Variants in DUSP10 observed in about 807,000 individuals in gnomAD.
DUSP10 encodes the protein dual specificity protein phosphatase 10.
DUSP10 carries 14 observed loss-of-function variants against 30.8 expected under a neutral mutation model. That is an observed-to-expected ratio of 0.46 (90% CI 0.30 to 0.71). DUSP10 has a LOEUF of 0.71. Ranked by LOEUF, DUSP10 falls within the 30% of genes least tolerant of loss-of-function variation. The probability of loss-of-function intolerance (pLI) is 0.08; values close to 1 mark genes in which losing one functional copy is unlikely to be tolerated. For synonymous variants in DUSP10, 254 were observed against 250.4 expected (o/e 1.01, Z -0.14); for missense variants, 550 against 619.4 (o/e 0.89, Z 1.19).
At chr1:221,727,800 C>T (rs547867873) in intron 2 of DUSP10, among the ~76,000 whole-genome samples, 220 of 152,320 alleles carry the variant, frequency 1.4e-3, no homozygotes, top group Admixed American at 3.7e-3. Context: ...TCTCCATTCA[C>T]TAATTCTACT....
intron 2 of DUSP10, among the ~76,000 whole-genome samples, chr1:221,736,491 G>A (rs1043163302): frequency 3.9e-5 from 6 of 151,934 alleles, no homozygotes; most frequent in African/African-American, 1.4e-4. Flanking sequence ...AAATAAATCT[G>A]AGAGGAGAAG....
In DUSP10 at chr1:221,706,055, G is replaced by A. The variant is rs982351126; in HGVS notation, c.1183+40C>T. ...ATCAAAGCAAGAGCTGGAGGGAAAA[G>A]GAAGGCAGCGGATGAAAATTCCCTA... On this transcript the variant is annotated intron_variant, in intron 3 of 3. Transcript: ENST00000366899. The surrounding 1 kb of genome is among the most constrained non-coding windows in gnomAD (Gnocchi z 4.6). 11 of 1,584,622 alleles carry A rather than the reference G, an allele frequency of 6.9e-6. No individual in the cohort carries two copies. The highest frequency in any genetic ancestry group is 9.5e-6 in the Non-Finnish European group (11 of 1,163,336).
intron 3 of DUSP10, among the ~76,000 whole-genome samples, chr1:221,704,025 G>C (rs1293083199): frequency 1.3e-5 from 2 of 152,190 alleles, no homozygotes; most frequent in African/African-American, 4.8e-5. Flanking sequence ...GCATGGTGGT[G>C]AGAGAATGAG....
chr1:221,707,527 C>T (rs72736539), intron 2 of DUSP10, among the ~76,000 whole-genome samples: 8,263 of 152,236 alleles, frequency 0.054, 283 homozygotes, highest in African/African-American at 0.092. Flanking sequence ...ATAAACTGTG[C>T]TTATTTCTCC....
In DUSP10 at chr1:221,702,754, C is replaced by A. The variant is rs1660644680; in HGVS notation, c.1184-77G>T. The A allele has an allele frequency of 3.5e-6, 5 of 1,436,958 alleles. 1 individual carries two copies. Among genetic ancestry groups the A allele is most frequent in the Middle Eastern group, 1.8e-4 (1 of 5,544 alleles). The allele number at this position is 1,436,958 out of a possible 1,614,324, so 89.0% of individuals were successfully genotyped here. A position where few individuals can be genotyped will look rare whatever the true frequency, so the allele number is the denominator to read the frequency against. The stretch of plus-strand genomic sequence containing the variant: ...ACGGAGAGAGAAACTTTCATCTCAA[C>A]TTTGCAATGCCTTATTTTGTATAGA... On this transcript the variant is annotated intron_variant, in intron 3 of 3. Transcript: ENST00000366899. The surrounding 1 kb of genome is among the most constrained non-coding windows in gnomAD (Gnocchi z 4.5).
Position 221,706,398 on chromosome 1 carries a change from G to A in DUSP10, c.880C>T (p.Arg294Trp), listed in dbSNP as rs776580484. The A allele has an allele frequency of 8.1e-5, 128 of 1,572,266 alleles. No homozygotes were observed. Among genetic ancestry groups the A allele is most frequent in the Non-Finnish European group, 1.1e-4 (122 of 1,157,308 alleles). The change falls in exon 3 of 4, where the codon CGG becomes TGG. Residue 294 changes from arginine (R) to tryptophan (W), a missense_variant. Coordinates refer to ENST00000366899, the MANE Select transcript of DUSP10 (RefSeq NM_007207.6). This position sits in a 1 kb window ranked among gnomAD's most constrained non-coding sequence, Gnocchi z 4.6. ...CDNSLQLQEC[R>W]EVGGGASAAS... ...GCGGATGCGCCGCCCCCCACCTCCCGGCACTCTTGGAGCTGGAGGGAGTTG... is the reference window on the plus strand; with the variant it reads ...GCGGATGCGCCGCCCCCCACCTCCCAGCACTCTTGGAGCTGGAGGGAGTTG...
At chr1:221,727,421 T>G (rs112357837) in intron 2 of DUSP10, among the ~76,000 whole-genome samples, 2,020 of 152,348 alleles carry the variant, frequency 0.013, 50 homozygotes, top group African/African-American at 0.047. Context: ...ATGCCAGTAC[T>G]GCTAATAGCT....
Position 221,702,949 on chromosome 1 carries a change from G to C in DUSP10, c.1184-272C>G, listed in dbSNP as rs1660649732. On this transcript the variant is annotated intron_variant, in intron 3 of 3. Coordinates refer to ENST00000366899, the MANE Select transcript of DUSP10 (RefSeq NM_007207.6). The surrounding 1 kb of genome is among the most constrained non-coding windows in gnomAD (Gnocchi z 4.5). ...AAAGAATTGCTCATAGGAACAGTTT[G>C]CTGCACAGGTGACAGCAGTGGCCGG... Among the ~76,000 whole-genome samples, 1 of 152,178 alleles carries C rather than the reference G, an allele frequency of 6.6e-6. No homozygotes were observed. The highest frequency in any genetic ancestry group is 2.4e-5 in the African/African-American group (1 of 41,440).
chr1:221,721,362 G>A lies in DUSP10; in HGVS notation c.812-14896C>T, dbSNP rs375755831. On this transcript the variant is annotated intron_variant, in intron 2 of 3. Transcript: ENST00000366899. Reference sequence around the variant, plus strand: ...AGAGAAATCTAATGAGGGAAAGGAGGAAGGAACTTTAGGGAAATTCAGTGA... The same window carrying A: ...AGAGAAATCTAATGAGGGAAAGGAGAAAGGAACTTTAGGGAAATTCAGTGA... Among the ~76,000 whole-genome samples, 99 of 152,322 alleles carry A rather than the reference G, an allele frequency of 6.5e-4. No homozygotes were observed. The South Asian group carries it at 0.016, about 24-fold the overall frequency.
Position 221,702,320 on chromosome 1 carries a change from A to C in DUSP10, c.*92T>G, listed in dbSNP as rs1660628768. 1 of 511,628 alleles carries C rather than the reference A, an allele frequency of 2.0e-6. No individual in the cohort carries two copies. The highest frequency in any genetic ancestry group is 2.8e-6 in the Non-Finnish European group (1 of 359,260). 31.7% of individuals were successfully genotyped at this position (511,628 alleles called of 1,614,324 possible). On this transcript the variant is annotated 3_prime_UTR_variant, in exon 4 of 4. Coordinates refer to ENST00000366899, the MANE Select transcript of DUSP10 (RefSeq NM_007207.6). This position sits in a 1 kb window ranked among gnomAD's most constrained non-coding sequence, Gnocchi z 4.5. ...CATTCACAAACTTACTCCCAACTAC[A>C]AAAAAAAAAAGAAAGAAAAAAAACC...
chr1:221,739,154 G>C lies in DUSP10; in HGVS notation c.591C>G (p.Ala197=). The C allele has an allele frequency of 1.2e-6, 2 of 1,614,164 alleles. No individual in the cohort carries two copies. Among genetic ancestry groups the C allele is most frequent in the Non-Finnish European group, 8.5e-7 (1 of 1,180,032 alleles). Residue 197 remains alanine (A), a synonymous_variant, in exon 2 of 4, where the codon GCC becomes GCG. Coordinates refer to ENST00000366899, the MANE Select transcript of DUSP10 (RefSeq NM_007207.6). ...GCAGTCTCCGCCGGCTGATCTTATC[G>C]GCACAGTTAATGTGGACAGCTCCTT... ...HIQGAVHINC[A]DKISRRRLQQ...
At chr1:221,707,439 T>C (rs72736537) in intron 2 of DUSP10, among the ~76,000 whole-genome samples, 14,654 of 152,216 alleles carry the variant, frequency 0.096, 1,331 homozygotes, top group African/African-American at 0.24. Flanking sequence ...AAACCTCTTT[T>C]GGATGTGTGA....
intron 2 of DUSP10, among the ~76,000 whole-genome samples, chr1:221,727,087 C>CA (rs540867373): frequency 5.5e-4 from 84 of 152,138 alleles, no homozygotes; most frequent in Middle Eastern, 3.4e-3. Flanking sequence ...TGAATTTGTC[C>CA]AAAATTATAA....
At position 221,706,414 on chromosome 1, in the gene DUSP10, G is replaced by A; in HGVS notation, c.864C>T (p.Leu288=). 6.5e-7 allele frequency: 1 copy of A among 1,550,274 alleles called. No homozygotes were observed. Among genetic ancestry groups the A allele is most frequent in the South Asian group, 1.2e-5 (1 of 80,648 alleles). The part of the protein sequence containing the change: ...QNHENLCDNS[L]QLQECREVGG... ...CCACCTCCCGGCACTCTTGGAGCTG[G>A]AGGGAGTTGTCACAGAGGTTTTCAT... Residue 288 remains leucine (L), a synonymous_variant, in exon 3 of 4, where the codon CTC becomes CTT. Transcript: ENST00000366899. This position sits in a 1 kb window ranked among gnomAD's most constrained non-coding sequence, Gnocchi z 4.6.
chr1:221,728,999 C>A (rs557638487), intron 2 of DUSP10, among the ~76,000 whole-genome samples: 1 of 152,316 alleles, frequency 6.6e-6, no homozygotes, highest in East Asian at 1.9e-4. Context: ...CCACTAGGCA[C>A]CAGCTGAGTA....
At chr1:221,738,312 G>C (rs76328950) in intron 2 of DUSP10, among the ~76,000 whole-genome samples, 2,441 of 152,328 alleles carry the variant, frequency 0.016, 23 homozygotes, top group Non-Finnish European at 0.024. Context: ...TCATAAAAAC[G>C]TCTCTGTTCC....
At chr1:221,735,265 G>T (rs763435430) in intron 2 of DUSP10, among the ~76,000 whole-genome samples, 8 of 152,192 alleles carry the variant, frequency 5.3e-5, no homozygotes, top group Non-Finnish European at 1.2e-4. Flanking sequence ...AGCAAGTAGA[G>T]GCATGGGCTC....
In DUSP10 at chr1:221,739,271, C is replaced by A; in HGVS notation, c.474G>T (p.Lys158Asn). The A allele has an allele frequency of 1.2e-6, 2 of 1,614,198 alleles. No homozygotes were observed. The highest frequency in any genetic ancestry group is 1.7e-6 in the Non-Finnish European group (2 of 1,180,042). Residue 158 changes from lysine to asparagine, a missense_variant, in exon 2 of 4, where the codon AAG (lysine) becomes AAT (asparagine). Lys to Asn is a moderately conservative substitution (Grantham distance 94). Coordinates refer to ENST00000366899, the MANE Select transcript of DUSP10 (RefSeq NM_007207.6). ...GGTGACTCTTGCTGCATTTGGTCATCTTCTTTGCCAAGTCATTGGGGTAGA... is the reference window on the plus strand; with the variant it reads ...GGTGACTCTTGCTGCATTTGGTCATATTCTTTGCCAAGTCATTGGGGTAGA... ...KIIYPNDLAK[K>N]MTKCSKSHLP... is the part of the protein sequence containing the mutation.
intron 2 of DUSP10, among the ~76,000 whole-genome samples, chr1:221,736,629 T>C (rs1661781923): frequency 6.6e-6 from 1 of 152,234 alleles, no homozygotes; most frequent in Admixed American, 6.5e-5. Flanking sequence ...GTTTACCAAG[T>C]TGAAAGGATA....
Sources: allele counts gnomAD v4.1 joint callset (sites outside exome capture counted in the v4.1 genomes callset), GRCh38; gene constraint gnomAD v4.1.1; non-coding constraint Gnocchi (gnomAD v3.1); transcripts MANE v1.5; gene names NCBI Gene and HGNC (gene_info 2026-07-23, HGNC 2026-07-21).